The following TPRA1 variants were observed in gnomAD, a reference collection of about 807,000 sequenced individuals.
TPRA1 encodes transmembrane protein adipocyte associated 1.
In TPRA1, 28 loss-of-function variants were observed where a neutral mutation model predicts 40.1. That is an observed-to-expected ratio of 0.70 (90% confidence interval 0.52 to 0.96). The LOEUF (loss-of-function observed/expected upper bound fraction) is 0.96, where lower values mean the gene tolerates loss of function less well. Among genes scored for constraint, TPRA1 ranks in the 40% least tolerant of loss-of-function variants. The pLI is 0.00. For synonymous variants in TPRA1, 219 were observed against 209.7 expected, an observed-to-expected ratio of 1.04 and a Z score of -0.38; for missense variants, 441 against 482.6, an observed-to-expected ratio of 0.91 and a Z score of 0.81.
intron 1 of TPRA1, among the ~76,000 whole-genome samples, chr3:127,596,111 C>G (rs2074237875): frequency 6.6e-6 from 1 of 151,666 alleles, no homozygotes; most frequent in South Asian, 2.1e-4. Flanking sequence ...TAGAGTTTCG[C>G]TCTTTTTGCC....
In TPRA1 at chr3:127,580,005, C is replaced by A; in HGVS notation, c.125+17G>T. 1.2e-6 allele frequency: 2 copies of A among 1,613,098 alleles called. No homozygotes were observed. Among genetic ancestry groups the A allele is most frequent in the Non-Finnish European group, 1.7e-6 (2 of 1,179,996 alleles). On this transcript the variant is annotated intron_variant, in intron 2 of 10. Coordinates refer to ENST00000355552, the MANE Select transcript of TPRA1 (RefSeq NM_001136053.4). ...ACTGACACTCAGCGAGCCTGCCCAG[C>A]GTTGTGACTGCCTCACCTGGAGGTG...
chr3:127,588,524 G>C (rs1002708142), intron 1 of TPRA1, among the ~76,000 whole-genome samples: 2 of 151,088 alleles, frequency 1.3e-5, no homozygotes, highest in African/African-American at 2.4e-5. Context: ...GGATTCAAGC[G>C]ATTCTCCCGC....
chr3:127,574,826 TA>T (rs1335193702), intron 10 of TPRA1, among the ~76,000 whole-genome samples: 1 of 152,250 alleles, frequency 6.6e-6, no homozygotes, highest in African/African-American at 2.4e-5. Flanking sequence ...TACATGTATG[TA>T]TATGTTGAGC....
At position 127,588,418 on chromosome 3, in the gene TPRA1, C is replaced by CTT. The variant is rs34353913; in HGVS notation, c.-18+1990_-18+1991dup. ...GCTTAGGAAATAACTGAAGCACTGA[C>CTT]TTTTTTTTTTTTTTTTTTTTGAGAC... On this transcript the variant is annotated intron_variant, in intron 1 of 10. Coordinates refer to ENST00000355552, the MANE Select transcript of TPRA1 (RefSeq NM_001136053.4). Among the ~76,000 whole-genome samples, 65 of 132,486 alleles carry CTT rather than the reference C, an allele frequency of 4.9e-4. 1 individual carries two copies. Among genetic ancestry groups the CTT allele is most frequent in the South Asian group, 2.9e-3 (12 of 4,180 alleles). 86.9% of individuals were successfully genotyped at this position (132,486 alleles called of 152,430 possible). A position where few individuals can be genotyped will look rare whatever the true frequency, so the allele number is the denominator to read the frequency against.
upstream of TPRA1, chr3:127,591,809 C>T (rs1000933442): frequency 5.3e-5 from 8 of 152,222 alleles, no homozygotes; most frequent in African/African-American, 1.9e-4. Context: ...GCAGGATGTC[C>T]CCTGCAGCAT....
chr3:127,573,413 A>T lies in TPRA1; in HGVS notation c.*108T>A. On this transcript the variant is annotated 3_prime_UTR_variant, in exon 11 of 11. Coordinates refer to ENST00000355552, the MANE Select transcript of TPRA1 (RefSeq NM_001136053.4). ...ACTCATGGTGGGAACAGGGCCACAC[A>T]GGGCTACTGCCCACAGAACGTCCCT... is the stretch of plus-strand genomic sequence containing the variant. 7.1e-7 allele frequency: 1 copy of T among 1,400,066 alleles called. No individual in the cohort carries two copies. Among genetic ancestry groups the T allele is most frequent in the Non-Finnish European group, 9.5e-7 (1 of 1,055,046 alleles). 86.7% of individuals were successfully genotyped at this position (1,400,066 alleles called of 1,614,324 possible).
At chr3:127,574,854 A>T (rs540440443) in intron 10 of TPRA1, 9 of 399,952 alleles carry the variant, frequency 2.3e-5, no homozygotes, top group Non-Finnish European at 2.8e-5. Flanking sequence ...TCATGTGTGT[A>T]TGCATGCATG....
In TPRA1 at chr3:127,573,798, G is replaced by T. The variant is rs1356803097; in HGVS notation, c.855-10C>A. The T allele has an allele frequency of 1.9e-6, 3 of 1,543,988 alleles. No individual in the cohort carries two copies. In the South Asian group the frequency reaches 3.7e-5, roughly 19 times the overall value. On this transcript the variant is annotated splice_polypyrimidine_tract_variant and intron_variant, in intron 10 of 10. Transcript: ENST00000355552. ...GATCTTGGGCTCCGAGCTGATAAAA[G>T]GAAAAGAGGGGCATGGAAGCCTCAC...
At chr3:127,591,784 C>A, upstream of TPRA1, 1 of 152,310 alleles carries the variant, frequency 6.6e-6, no homozygotes. Flanking sequence ...AGGATGGAGC[C>A]AAGAGAGCCA....
rs1411232441 is a variant in TPRA1, at chr3:127,571,385, T to A, written c.*2136A>T. 6.6e-6 allele frequency: 1 copy of A among 152,184 alleles called. No homozygotes were observed. Among genetic ancestry groups the A allele is most frequent in the East Asian group, 1.9e-4 (1 of 5,198 alleles). The allele number at this position is 152,184 out of a possible 1,614,324, so 9.4% of individuals were successfully genotyped here. On this transcript the variant is annotated 3_prime_UTR_variant, in exon 11 of 11. Coordinates refer to ENST00000355552, the MANE Select transcript of TPRA1 (RefSeq NM_001136053.4). ...GATCTCTGCAGAAGACTAATAAGAG[T>A]AATTAAAACTAATTAAGACTGTGTG...
chr3:127,575,220 C>G lies in TPRA1; in HGVS notation c.819G>C (p.Pro273=), dbSNP rs775597346. ...CCCGGAGGAAAGCCACGTAGATGAG[C>G]GGAGCGAAGAAGCTGAAGTACAGGA... ...TTFLYFSFFA[P]LIYVAFLRGF... The change falls in exon 10 of 11, where the codon CCG becomes CCC. Residue 273 remains proline (P), a synonymous_variant. Coordinates refer to ENST00000355552, the MANE Select transcript of TPRA1 (RefSeq NM_001136053.4). The G allele has an allele frequency of 1.9e-6, 3 of 1,613,932 alleles. No individual in the cohort carries two copies. Among genetic ancestry groups the G allele is most frequent in the Non-Finnish European group, 2.5e-6 (3 of 1,180,004 alleles).
At chr3:127,587,983 C>T (rs1387791336) in intron 1 of TPRA1, 2 of 152,346 alleles carry the variant, frequency 1.3e-5, no homozygotes, top group South Asian at 4.1e-4. Context: ...CTGTGCCTAA[C>T]CTCTGAGCCC....
In TPRA1 at chr3:127,579,792, C is replaced by A. The variant is rs754759656; in HGVS notation, c.206G>T (p.Arg69Leu). ...IFLLWKLPSARAKIRITSSPI... is the reference protein window; with the variant it reads ...IFLLWKLPSALAKIRITSSPI... ...GCTGGAGGTGATGCGGATCTTCGCC[C>A]GAGCAGATGGAAGCTTCCAGAGCAG... The change falls in exon 3 of 11, where the codon CGG becomes CTG. Residue 69 changes from arginine (R) to leucine (L), a missense_variant. Transcript: ENST00000355552. 6.2e-6 allele frequency: 10 copies of A among 1,613,968 alleles called. No homozygotes were observed. Among genetic ancestry groups the A allele is most frequent in the Non-Finnish European group, 7.6e-6 (9 of 1,180,030 alleles).
intron 1 of TPRA1, among the ~76,000 whole-genome samples, chr3:127,589,307 G>C (rs1200622898): frequency 6.6e-6 from 1 of 152,080 alleles, no homozygotes; most frequent in East Asian, 1.9e-4. Flanking sequence ...CTGTGCAACA[G>C]GATTGACCAA....
chr3:127,597,768 G>A (rs905378559), intron 1 of TPRA1, among the ~76,000 whole-genome samples: 1 of 152,032 alleles, frequency 6.6e-6, no homozygotes, highest in African/African-American at 2.4e-5. Context: ...GTGCTCCTAA[G>A]ACGGTAAGAA....
At chr3:127,594,041 G>C (rs2074219145), upstream of TPRA1, among the ~76,000 whole-genome samples, 1 of 152,238 alleles carries the variant, frequency 6.6e-6, no homozygotes, top group Non-Finnish European at 1.5e-5. Context: ...AATCAGGATG[G>C]ATGAGCAGGA....
upstream of TPRA1, chr3:127,590,982 A>C (rs2074156768): frequency 6.6e-6 from 1 of 152,252 alleles, no homozygotes; most frequent in Admixed American, 6.5e-5. Flanking sequence ...GGAATCGAAG[A>C]CTGGAAAGCT....
intron 1 of TPRA1, chr3:127,580,523 G>A: frequency 4.8e-6 from 1 of 207,486 alleles, no homozygotes; most frequent in Non-Finnish European, 9.9e-6. Flanking sequence ...GCCCAGCCCT[G>A]CCCCTTCCTT....
chr3:127,588,990 G>A (rs1368809359), intron 1 of TPRA1, among the ~76,000 whole-genome samples: 1 of 152,074 alleles, frequency 6.6e-6, no homozygotes, highest in East Asian at 1.9e-4. Context: ...GTGGTGAGAA[G>A]GGGTGGTGAG....
Sources: gnomAD v4.1 joint callset for allele counts (sites outside exome capture counted in the v4.1 genomes callset) on GRCh38, gnomAD v4.1.1 for gene constraint, MANE v1.5 for transcripts, NCBI Gene and HGNC (gene_info 2026-07-23, HGNC 2026-07-21) for gene names.